The following SRGAP1 variants were observed in gnomAD, a reference collection of about 807,000 sequenced individuals.
The protein encoded by SRGAP1 is SLIT-ROBO Rho GTPase-activating protein 1.
In SRGAP1, 43 loss-of-function variants were observed where a neutral mutation model predicts 121.9. The observed-to-expected ratio is 0.35, with a 90% CI of 0.28 to 0.46. The LOEUF is 0.46. SRGAP1 is among the 20% of genes least tolerant of loss of function. The pLI is 1.00. For synonymous variants in SRGAP1, 447 were observed against 485.4 expected, an observed-to-expected ratio of 0.92 and a Z score of 1.04; for missense variants, 1,102 against 1,350.9, an observed-to-expected ratio of 0.82 and a Z score of 2.89.
At chr12:64,044,390 G>A (rs1469962077) in intron 6 of SRGAP1, among the ~76,000 whole-genome samples, 1 of 152,140 alleles carries the variant, frequency 6.6e-6, no homozygotes, top group Non-Finnish European at 1.5e-5. Context: ...CATAAAAACA[G>A]CACAGATAAA....
intron 12 of SRGAP1, among the ~76,000 whole-genome samples, chr12:64,094,624 A>T (rs1262964193): frequency 6.6e-6 from 1 of 152,232 alleles, no homozygotes; most frequent in African/African-American, 2.4e-5. Context: ...TGCTATGATT[A>T]TAATACACAG....
At chr12:63,880,920 C>T (rs956533682) in intron 1 of SRGAP1, among the ~76,000 whole-genome samples, 3 of 152,196 alleles carry the variant, frequency 2.0e-5, no homozygotes, top group Non-Finnish European at 4.4e-5. Context: ...TCTCACCAGC[C>T]TTCCTTTATC....
chr12:63,995,239 C>T (rs544714482), intron 3 of SRGAP1, among the ~76,000 whole-genome samples: 1 of 152,230 alleles, frequency 6.6e-6, no homozygotes, highest in East Asian at 1.9e-4. Flanking sequence ...CATCTTGTTT[C>T]TTCACCAATA....
intron 1 of SRGAP1, among the ~76,000 whole-genome samples, chr12:63,923,336 C>A (rs900311292): frequency 6.6e-6 from 1 of 152,096 alleles, no homozygotes; most frequent in Non-Finnish European, 1.5e-5. Flanking sequence ...CATTTTATAA[C>A]GGCCGTACTT....
intron 1 of SRGAP1, among the ~76,000 whole-genome samples, chr12:63,939,565 T>A (rs2031789854): frequency 6.6e-6 from 1 of 152,140 alleles, no homozygotes; most frequent in Non-Finnish European, 1.5e-5. Flanking sequence ...CCCCATAGTG[T>A]TTGAAGTGCA....
At chr12:64,022,576 A>G (rs1351324507) in intron 4 of SRGAP1, among the ~76,000 whole-genome samples, 1 of 152,140 alleles carries the variant, frequency 6.6e-6, no homozygotes, top group Non-Finnish European at 1.5e-5. Flanking sequence ...TGGGCACCCC[A>G]CGGCCTAGTC....
chr12:64,011,183 G>A, intron 3 of SRGAP1, among the ~76,000 whole-genome samples: 1 of 114,462 alleles, frequency 8.7e-6, no homozygotes, highest in East Asian at 2.0e-4. Flanking sequence ...CAGAAGTTAT[G>A]GATGAGTTAA....
intron 14 of SRGAP1, among the ~76,000 whole-genome samples, chr12:64,095,581 C>T (rs577064335): frequency 6.6e-6 from 1 of 152,220 alleles, no homozygotes; most frequent in South Asian, 2.1e-4. Flanking sequence ...GAGCTCTTCC[C>T]TTTTTCTTCT....
intron 1 of SRGAP1, among the ~76,000 whole-genome samples, chr12:63,965,232 A>C (rs1463317073): frequency 6.6e-6 from 1 of 152,250 alleles, no homozygotes. Flanking sequence ...GTGGAGTTGT[A>C]CCTTCCGCAC....
In SRGAP1 at chr12:64,080,318, C is replaced by T. The variant is rs1363923192; in HGVS notation, c.1356C>T (p.Leu452=). The T allele has an allele frequency of 2.5e-6, 4 of 1,613,810 alleles. No homozygotes were observed. Among genetic ancestry groups the T allele is most frequent in the Non-Finnish European group, 2.5e-6 (3 of 1,179,892 alleles). The stretch of plus-strand genomic sequence containing the variant: ...GAGAATATTTGGAAGGCAGTAATCT[C>T]ATCACAAAACTTCAAGCCAAACATG... ...KLREYLEGSN[L]ITKLQAKHDL... is the part of the protein sequence containing the mutation. The change falls in exon 10 of 22, where the codon CTC becomes CTT. Residue 452 remains leucine (L), a synonymous_variant. Coordinates refer to ENST00000355086, the MANE Select transcript of SRGAP1 (RefSeq NM_020762.4).
intron 1 of SRGAP1, 110 bp from the exon 2 acceptor site, chr12:63,983,837 T>C (rs61933149): frequency 9.1e-6 from 1 of 109,994 alleles, no homozygotes; most frequent in African/African-American, 4.1e-5. Flanking sequence ...TATATATATA[T>C]ATATATATAT....
intron 1 of SRGAP1, among the ~76,000 whole-genome samples, chr12:63,880,317 C>T (rs964428440): frequency 1.3e-5 from 2 of 152,062 alleles, no homozygotes; most frequent in East Asian, 1.9e-4. Context: ...CTGCAACCTC[C>T]GCCTCCTGGG....
chr12:63,918,855 A>G (rs2030910571), intron 1 of SRGAP1, among the ~76,000 whole-genome samples: 1 of 152,184 alleles, frequency 6.6e-6, no homozygotes, highest in Admixed American at 6.5e-5. Flanking sequence ...CAAAGACTCC[A>G]CAGTTAGGGA....
intron 1 of SRGAP1, among the ~76,000 whole-genome samples, chr12:63,869,453 G>A (rs192603177): frequency 4.0e-5 from 6 of 150,460 alleles, no homozygotes; most frequent in East Asian, 2.0e-4. Context: ...TTGAAACCAC[G>A]GCATATGGTA....
Position 64,143,355 on chromosome 12 carries a change from A to G in SRGAP1, c.*683A>G, listed in dbSNP as rs542108675. ...ACCTGGGAAAGGAGAGGAAGACACCATCTCCAAAGCTATTAATGTCACTCC... is the reference window on the plus strand; with the variant it reads ...ACCTGGGAAAGGAGAGGAAGACACCGTCTCCAAAGCTATTAATGTCACTCC... On this transcript the variant is annotated 3_prime_UTR_variant, in exon 22 of 22. Coordinates refer to ENST00000355086, the MANE Select transcript of SRGAP1 (RefSeq NM_020762.4). 27 of 152,384 alleles carry G rather than the reference A, an allele frequency of 1.8e-4. No individual in the cohort carries two copies. Among genetic ancestry groups the G allele is most frequent in the African/African-American group, 6.0e-4 (25 of 41,542 alleles). The allele number at this position is 152,384 out of a possible 1,614,324, so 9.4% of individuals were successfully genotyped here. A position where few individuals can be genotyped will look rare whatever the true frequency, so the allele number is the denominator to read the frequency against.
At chr12:64,119,177 C>G (rs1160078660) in intron 18 of SRGAP1, among the ~76,000 whole-genome samples, 1 of 152,184 alleles carries the variant, frequency 6.6e-6, no homozygotes, top group Non-Finnish European at 1.5e-5. Flanking sequence ...CTCCACTGCT[C>G]TACATCTTTG....
At chr12:64,017,671 T>C (rs1210113393) in intron 4 of SRGAP1, among the ~76,000 whole-genome samples, 1 of 150,756 alleles carries the variant, frequency 6.6e-6, no homozygotes, top group African/African-American at 2.4e-5. Flanking sequence ...AAAAAAAAAA[T>C]GTTGCCGTTA....
chr12:63,906,815 C>T (rs1249634480), intron 1 of SRGAP1, among the ~76,000 whole-genome samples: 1 of 151,988 alleles, frequency 6.6e-6, no homozygotes, highest in African/African-American at 2.4e-5. Flanking sequence ...ACTGTTTAGG[C>T]ATGTAAAATG....
rs574781564 is a variant in SRGAP1, at chr12:64,104,959, C to T, written c.1814-3973C>T. Among the ~76,000 whole-genome samples the T allele has an allele frequency of 1.3e-4, 20 of 151,942 alleles. No homozygotes were observed. The South Asian group carries it at 3.7e-3, about 28-fold the overall frequency. ...GTTAACGATTTTTAAGTGTACAGTT[C>T]GGTGGCATTAAGTACATTCACAATT... On this transcript the variant is annotated intron_variant, in intron 15 of 21. Coordinates refer to ENST00000355086, the MANE Select transcript of SRGAP1 (RefSeq NM_020762.4).
Sources: allele counts gnomAD v4.1 joint callset (sites outside exome capture counted in the v4.1 genomes callset), GRCh38; gene constraint gnomAD v4.1.1; transcripts MANE v1.5; gene names NCBI Gene and HGNC (gene_info 2026-07-23, HGNC 2026-07-21).